The following PDE4D variants were observed in gnomAD, a reference collection of about 807,000 sequenced individuals.
The protein encoded by PDE4D is 3',5'-cyclic-AMP phosphodiesterase 4D.
In PDE4D, 24 loss-of-function variants were observed where a neutral mutation model predicts 87.4. That is an observed-to-expected ratio of 0.27 (90% CI 0.20 to 0.39). The LOEUF (loss-of-function observed/expected upper bound fraction) is 0.39. Ranked by LOEUF, PDE4D falls within the 10% of genes least tolerant of loss-of-function variation. The pLI, the probability that PDE4D is intolerant of heterozygous loss-of-function variation, is 1.00. For missense variants in PDE4D, 714 were observed against 1,041.0 expected, an observed-to-expected ratio of 0.69 and a Z score of 4.32; for synonymous variants, 384 against 383.2, an observed-to-expected ratio of 1.00 and a Z score of -0.02.
At chr5:59,650,647 T>G (rs1174427881) in intron 1 of PDE4D, among the ~76,000 whole-genome samples, 1 of 152,218 alleles carries the variant, frequency 6.6e-6, no homozygotes, top group East Asian at 1.9e-4. Flanking sequence ...AACATAACTT[T>G]AAATACCTAA....
At chr5:59,433,120 A>G (rs564920245) in intron 1 of PDE4D, among the ~76,000 whole-genome samples, 1 of 149,726 alleles carries the variant, frequency 6.7e-6, no homozygotes, top group South Asian at 2.1e-4. Flanking sequence ...AAGCTCAATG[A>G]AGCATTTTCA....
At chr5:59,091,750 T>C (rs1768775165) in intron 5 of PDE4D, among the ~76,000 whole-genome samples, 1 of 152,102 alleles carries the variant, frequency 6.6e-6, no homozygotes, top group African/African-American at 2.4e-5. Context: ...TTTAGAACAA[T>C]TTGTTAAACT....
At chr5:59,967,465 C>T (rs1325388923) in intron 3 of PDE4D, among the ~76,000 whole-genome samples, 1 of 152,060 alleles carries the variant, frequency 6.6e-6, no homozygotes, top group East Asian at 1.9e-4. Context: ...GCTTCATGAA[C>T]AGAAGACATA....
chr5:59,475,692 G>T (rs1160288423), intron 1 of PDE4D, among the ~76,000 whole-genome samples: 1 of 151,954 alleles, frequency 6.6e-6, no homozygotes, highest in Non-Finnish European at 1.5e-5. Context: ...AAAAAGGTTG[G>T]CTTAGCCTCT....
chr5:59,291,869 T>G (rs1581795172), intron 1 of PDE4D, among the ~76,000 whole-genome samples: 2 of 151,688 alleles, frequency 1.3e-5, no homozygotes, highest in African/African-American at 4.8e-5. Flanking sequence ...ATTCCAGGCA[T>G]GCAGTGAATG....
At position 58,973,817 on chromosome 5, in the gene PDE4D, C is replaced by A. The variant is rs564008297; in HGVS notation, c.*847G>T. On this transcript the variant is annotated 3_prime_UTR_variant, in exon 15 of 15. Coordinates refer to ENST00000340635, the MANE Select transcript of PDE4D (RefSeq NM_001104631.2). ...GACTTACAAAAAGGGTTTCCTGCAA[C>A]ATAAAGTTGTTTTTCTCTTTTAAAA... The A allele has an allele frequency of 6.6e-6, 1 of 152,280 alleles. No individual in the cohort carries two copies. Among genetic ancestry groups the A allele is most frequent in the South Asian group, 2.1e-4 (1 of 4,816 alleles). 9.4% of individuals were successfully genotyped at this position (152,280 alleles called of 1,614,324 possible). A position where few individuals can be genotyped will look rare whatever the true frequency, so the allele number is the denominator to read the frequency against.
intron 1 of PDE4D, among the ~76,000 whole-genome samples, chr5:60,367,467 T>A (rs925329083): frequency 1.4e-5 from 2 of 145,270 alleles, no homozygotes; most frequent in Non-Finnish European, 3.0e-5. Flanking sequence ...AAAAAAAAAA[T>A]TATACACCAA....
intron 1 of PDE4D, among the ~76,000 whole-genome samples, chr5:59,237,299 T>G (rs2153520379): frequency 6.6e-6 from 1 of 152,302 alleles, no homozygotes; most frequent in African/African-American, 2.4e-5. Context: ...CTATTTGAGG[T>G]TGGGGGTCTC....
rs182448599 is a variant in PDE4D, at chr5:60,424,863, A to G, written c.-90+63079T>C. Among the ~76,000 whole-genome samples, 250 of 152,356 alleles carry G rather than the reference A, an allele frequency of 1.6e-3. 3 individuals carry two copies. The highest frequency in any genetic ancestry group is 6.8e-3 in the Middle Eastern group (2 of 294). On this transcript the variant is annotated intron_variant, in intron 1 of 16. Transcript: ENST00000502484. ...CAGGATACAAAATCAATGTGCAAAA[A>G]TCACAAGCATTCTGATATACAAATA...
chr5:59,504,763 T>A (rs551567626), intron 1 of PDE4D, among the ~76,000 whole-genome samples: 93 of 152,058 alleles, frequency 6.1e-4, no homozygotes, highest in Non-Finnish European at 1.1e-3. Context: ...CTAAAAGTCA[T>A]AAAATCTCAA....
At chr5:59,899,478 T>C (rs1752005546) in intron 3 of PDE4D, among the ~76,000 whole-genome samples, 1 of 147,854 alleles carries the variant, frequency 6.8e-6, no homozygotes. Context: ...CATGCTTAAG[T>C]GGTAAATATA....
At chr5:60,311,021 T>C (rs1754983466) in intron 1 of PDE4D, among the ~76,000 whole-genome samples, 1 of 144,440 alleles carries the variant, frequency 6.9e-6, no homozygotes, top group East Asian at 2.1e-4. Context: ...AATAAGTCTT[T>C]TTTTTTTTTT....
chr5:60,132,184 C>T (rs939983807), intron 2 of PDE4D, among the ~76,000 whole-genome samples: 10 of 152,078 alleles, frequency 6.6e-5, no homozygotes, highest in African/African-American at 2.4e-4. Flanking sequence ...TATTGAGCAC[C>T]TATTGCATGT....
intron 4 of PDE4D, among the ~76,000 whole-genome samples, chr5:59,183,681 G>C (rs183710699): frequency 2.3e-4 from 35 of 152,226 alleles, no homozygotes; most frequent in African/African-American, 8.2e-4. Flanking sequence ...AATCCCCAAA[G>C]CCCAAGGGGG....
intron 1 of PDE4D, among the ~76,000 whole-genome samples, chr5:59,410,464 C>T (rs1376058762): frequency 6.6e-6 from 1 of 152,130 alleles, no homozygotes; most frequent in East Asian, 1.9e-4. Flanking sequence ...CCATACTGGT[C>T]TTGAACTCCT....
chr5:60,222,915 G>A (rs1209662146), intron 1 of PDE4D, among the ~76,000 whole-genome samples: 1 of 152,090 alleles, frequency 6.6e-6, no homozygotes, highest in African/African-American at 2.4e-5. Context: ...GTAACTGTGA[G>A]CTCTTTTAAA....
intron 3 of PDE4D, among the ~76,000 whole-genome samples, chr5:59,908,327 A>T (rs1753061750): frequency 6.6e-6 from 1 of 152,148 alleles, no homozygotes; most frequent in South Asian, 2.1e-4. Context: ...TTTTTTTAAA[A>T]AACAAGATGG....
At chr5:60,452,978 C>CCTTA (rs1162468154) in intron 1 of PDE4D, among the ~76,000 whole-genome samples, 1 of 151,996 alleles carries the variant, frequency 6.6e-6, no homozygotes, top group Non-Finnish European at 1.5e-5. Context: ...AGTGAGAGAA[C>CCTTA]CTTACATCAT....
chr5:58,984,217 A>C lies in PDE4D; in HGVS notation c.1552+4276T>G, dbSNP rs1305240810. On this transcript the variant is annotated intron_variant, in intron 11 of 14. Transcript: ENST00000340635. ...AAGTGGTGGTTTTAACTTAATATTC[A>C]GTTGTCAAGAAAACTGCCTCATTCA... is the stretch of plus-strand genomic sequence containing the variant. Among the ~76,000 whole-genome samples the C allele has an allele frequency of 3.3e-5, 5 of 152,348 alleles. No homozygotes were observed. The East Asian group carries it at 9.6e-4, about 29-fold the overall frequency.
Sources: gnomAD v4.1 joint callset for allele counts (sites outside exome capture counted in the v4.1 genomes callset) on GRCh38, gnomAD v4.1.1 for gene constraint, MANE v1.5 for transcripts, NCBI Gene and HGNC (gene_info 2026-07-23, HGNC 2026-07-21) for gene names.